The following MYT1L variants were observed in gnomAD, a reference collection of about 807,000 sequenced individuals.
MYT1L encodes myelin transcription factor 1 like.
Under a neutral mutation model 126.7 loss-of-function variants are expected in MYT1L, and 12 were observed. The ratio of observed to expected loss-of-function variants is 0.09; its 90% CI spans 0.06 to 0.15. MYT1L has a LOEUF of 0.15. Among genes scored for constraint, MYT1L ranks in the 10% least tolerant of loss-of-function variants. The pLI is 1.00. For missense variants in MYT1L, 979 were observed against 1,585.2 expected (o/e 0.62, Z 6.49); for synonymous variants, 541 against 604.2 (o/e 0.90, Z 1.53).
At position 1,820,541 on chromosome 2, in the gene MYT1L, TTTGTTGTTG is replaced by T. The variant is rs538205555; in HGVS notation, c.3081-11383_3081-11375del. On this transcript the variant is annotated intron_variant, in intron 21 of 24. Coordinates refer to ENST00000647738, the MANE Select transcript of MYT1L (RefSeq NM_001303052.2). ...ACTAACATCTACCATCAGTTGGCTT[TTTGTTGTTG>T]TTGTTGTTGTTGTTGAGACAGGGTT... Among the ~76,000 whole-genome samples, 1,370 of 152,022 alleles carry T rather than the reference TTTGTTGTTG, an allele frequency of 9.0e-3. 20 individuals are homozygous for T. The highest frequency in any genetic ancestry group is 0.031 in the African/African-American group (1,294 of 41,460).
chr2:2,143,763 C>T (rs180943150), intron 3 of MYT1L, among the ~76,000 whole-genome samples: 54 of 152,210 alleles, frequency 3.5e-4, no homozygotes, highest in Admixed American at 3.5e-3. Context: ...TGCATGTTGA[C>T]ATGGAATACT....
At chr2:2,004,431 ATGCGTT>A (rs2062902635) in intron 4 of MYT1L, among the ~76,000 whole-genome samples, 1 of 126,748 alleles carries the variant, frequency 7.9e-6, no homozygotes, top group African/African-American at 3.1e-5. Flanking sequence ...TCTTTCCTGC[ATGCGTT>A]CTTTCCTGCA....
chr2:2,115,738 C>T (rs116206893), intron 3 of MYT1L, among the ~76,000 whole-genome samples: 1 of 152,190 alleles, frequency 6.6e-6, no homozygotes, highest in Non-Finnish European at 1.5e-5. Context: ...AAGGCCCCCG[C>T]GGGAGTGTCG....
At chr2:2,202,821 A>G (rs1238137409) in intron 2 of MYT1L, among the ~76,000 whole-genome samples, 4 of 152,212 alleles carry the variant, frequency 2.6e-5, no homozygotes, top group Non-Finnish European at 5.9e-5. Context: ...CACAACAAAA[A>G]AAGAGAATTT....
intron 2 of MYT1L, among the ~76,000 whole-genome samples, chr2:2,189,693 A>G (rs1369105743): frequency 6.6e-6 from 1 of 152,218 alleles, no homozygotes. Flanking sequence ...GCTTCAGACT[A>G]TTAAGCCTAT....
intron 8 of MYT1L, among the ~76,000 whole-genome samples, chr2:1,966,801 A>G (rs1243390257): frequency 6.6e-6 from 1 of 152,156 alleles, no homozygotes; most frequent in Non-Finnish European, 1.5e-5. Flanking sequence ...ACAAAATACA[A>G]AAAAATTTAC....
intron 3 of MYT1L, among the ~76,000 whole-genome samples, chr2:2,122,872 T>TGTGTGAGAGAGAGAGA (rs553951630): frequency 7.5e-6 from 1 of 132,992 alleles, no homozygotes; most frequent in African/African-American, 3.0e-5. Context: ...TGTGTGTGTG[T>TGTGTGAGAGAGAGAGA]GAGAGAGAGA....
At position 2,033,860 on chromosome 2, in the gene MYT1L, T is replaced by C. The variant is rs1157870349; in HGVS notation, c.-158+20118A>G. Among the ~76,000 whole-genome samples, 3 of 152,168 alleles carry C rather than the reference T, an allele frequency of 2.0e-5. No homozygotes were observed. In the East Asian group the frequency reaches 5.8e-4, roughly 29 times the overall value. ...GTGCCCTTGTCAGGAGCTTCTGTGG[T>C]GGGGCTGCGATGCCACATGCTTTCC... is the stretch of plus-strand genomic sequence containing the variant. On this transcript the variant is annotated intron_variant, in intron 4 of 24. Transcript: ENST00000647738.
intron 19 of MYT1L, among the ~76,000 whole-genome samples, chr2:1,849,413 C>A (rs1025754729): frequency 1.3e-5 from 2 of 152,206 alleles, no homozygotes; most frequent in Non-Finnish European, 1.5e-5. Context: ...GCGACTCACT[C>A]GTGTTCTACC....
Position 2,224,885 on chromosome 2 carries a change from C to A in MYT1L, c.-420-51897G>T, listed in dbSNP as rs1342183547. On this transcript the variant is annotated intron_variant, in intron 2 of 24. Transcript: ENST00000647738. This position sits in a 1 kb window ranked among gnomAD's most constrained non-coding sequence, Gnocchi z 4.0. The stretch of plus-strand genomic sequence containing the variant: ...TGAGAAAGGTCTTAACCAGGGCTAG[C>A]CTTATGCTTGTGTGCTGGGCAGTCA... 6.6e-6 allele frequency among the ~76,000 whole-genome samples: 1 copy of A among 151,978 alleles called. No individual in the cohort carries two copies. The highest frequency in any genetic ancestry group is 1.5e-5 in the Non-Finnish European group (1 of 67,996).
chr2:2,089,999 T>C (rs2076748017), intron 3 of MYT1L, among the ~76,000 whole-genome samples: 1 of 152,184 alleles, frequency 6.6e-6, no homozygotes, highest in Admixed American at 6.5e-5. Context: ...TGGGATAGTC[T>C]GAGTTAGAAT....
At chr2:2,193,024 G>A (rs886865609) in intron 2 of MYT1L, among the ~76,000 whole-genome samples, 7 of 152,116 alleles carry the variant, frequency 4.6e-5, no homozygotes, top group Non-Finnish European at 8.8e-5. Context: ...GTGCAGTGGC[G>A]CAATTTCAAC....
intron 1 of MYT1L, among the ~76,000 whole-genome samples, chr2:2,297,517 T>G (rs1047439419): frequency 6.6e-6 from 1 of 152,180 alleles, no homozygotes; most frequent in African/African-American, 2.4e-5. Flanking sequence ...TGCAGACAGA[T>G]CATGGCGTTC....
At position 1,949,417 on chromosome 2, in the gene MYT1L, C is replaced by A. The variant is rs79891553; in HGVS notation, c.153-6083G>T. On this transcript the variant is annotated intron_variant, in intron 8 of 24. Transcript: ENST00000647738. ...CTGGGCCATGCCTCCTGGGCCCATG[C>A]GGATGCCTCACGATGTCTTTTTGCT... Among the ~76,000 whole-genome samples, 5 of 152,208 alleles carry A rather than the reference C, an allele frequency of 3.3e-5. No individual in the cohort carries two copies. In the South Asian group the frequency reaches 1.0e-3, roughly 32 times the overall value.
At chr2:1,945,459 A>T (rs1302624429) in intron 8 of MYT1L, among the ~76,000 whole-genome samples, 1 of 152,162 alleles carries the variant, frequency 6.6e-6, no homozygotes, top group African/African-American at 2.4e-5. Context: ...TCCTTGGTAC[A>T]GTCAGACCCT....
intron 18 of MYT1L, among the ~76,000 whole-genome samples, chr2:1,866,111 T>C (rs1245937247): frequency 1.3e-5 from 2 of 152,100 alleles, no homozygotes. Flanking sequence ...GCTCGAAGCA[T>C]CCAGGAGGCG....
At chr2:2,212,609 T>A (rs1050322758) in intron 2 of MYT1L, among the ~76,000 whole-genome samples, 1 of 152,210 alleles carries the variant, frequency 6.6e-6, no homozygotes, top group African/African-American at 2.4e-5. Flanking sequence ...TAGTACTAAT[T>A]AGTAATATTG....
chr2:2,048,653 C>T (rs2068465829), intron 4 of MYT1L, among the ~76,000 whole-genome samples: 1 of 152,180 alleles, frequency 6.6e-6, no homozygotes, highest in Admixed American at 6.5e-5. Flanking sequence ...CCTAGGTGGA[C>T]CCCTGGTGTC....
intron 4 of MYT1L, among the ~76,000 whole-genome samples, chr2:2,004,736 C>G (rs1408776256): frequency 0.016 from 1,741 of 110,914 alleles, 21 homozygotes; most frequent in African/African-American, 0.068. Flanking sequence ...TCCTGCGTGC[C>G]TTCTTTCCTG....
Sources: allele counts gnomAD v4.1 joint callset (sites outside exome capture counted in the v4.1 genomes callset), GRCh38; gene constraint gnomAD v4.1.1; non-coding constraint Gnocchi (gnomAD v3.1); transcripts MANE v1.5; gene names NCBI Gene and HGNC (gene_info 2026-07-23, HGNC 2026-07-21).